SGK1: variants seen among roughly 807,000 people sequenced by gnomAD.
SGK1 encodes serine/threonine-protein kinase Sgk1.
Under a neutral mutation model 64.2 loss-of-function variants are expected in SGK1, and 26 were observed. The observed-to-expected ratio is 0.40, with a 90% CI of 0.30 to 0.56. SGK1 has a LOEUF of 0.56. Ranked by LOEUF, SGK1 falls within the 20% of genes least tolerant of loss-of-function variation. The pLI is 0.38. For synonymous variants in SGK1, 265 were observed against 239.7 expected, an observed-to-expected ratio of 1.11 and a Z score of -0.98; for missense variants, 519 against 645.6, an observed-to-expected ratio of 0.80 and a Z score of 2.12.
At chr6:134,223,654 A>T (rs1368335163) in intron 2 of SGK1, among the ~76,000 whole-genome samples, 1 of 152,210 alleles carries the variant, frequency 6.6e-6, no homozygotes, top group Non-Finnish European at 1.5e-5. Flanking sequence ...GGCCAATGGG[A>T]TTATAATTTG....
chr6:134,172,559 C>T (rs749088931), intron 9 of SGK1, 103 bp downstream of exon 9: 4 of 890,190 alleles, frequency 4.5e-6, no homozygotes, highest in Non-Finnish European at 7.0e-6. Context: ...TTTTAGGCAA[C>T]CAAGTTGCAA....
At chr6:134,310,369 A>G (rs1363127376) in intron 1 of SGK1, among the ~76,000 whole-genome samples, 1 of 152,200 alleles carries the variant, frequency 6.6e-6, no homozygotes, top group Non-Finnish European at 1.5e-5. Flanking sequence ...CACATTCTGC[A>G]GTACTGAGAC....
At chr6:134,174,652 A>G (rs775619639) in intron 3 of SGK1, 66 bp from the exon 4 acceptor site, 1 of 1,606,554 alleles carries the variant, frequency 6.2e-7, no homozygotes, top group South Asian at 1.1e-5. Context: ...CGCCACACAC[A>G]CTAATCTGAT....
chr6:134,177,491 G>A (rs1383526482), intron 3 of SGK1, among the ~76,000 whole-genome samples: 4 of 152,144 alleles, frequency 2.6e-5, no homozygotes, highest in African/African-American at 9.7e-5. Flanking sequence ...TGCTCAGGCT[G>A]CCCAGAAACA....
Position 134,173,301 on chromosome 6 carries a change from C to T in SGK1, c.675G>A (p.Gln225=), listed in dbSNP as rs376815568. 2.7e-5 allele frequency: 44 copies of T among 1,613,762 alleles called. No individual in the cohort carries two copies. Among genetic ancestry groups the T allele is most frequent in the Non-Finnish European group, 3.5e-5 (41 of 1,179,760 alleles). The change falls in exon 7 of 14, where the codon CAG becomes CAA. Residue 225 remains glutamine, a synonymous_variant. Coordinates refer to ENST00000367858, the MANE Select transcript of SGK1 (RefSeq NM_001143676.3). ...EEVFYAVKVL[Q]KKAILKKKEE... ...CTTTCTTTTTCAGGATTGCTTTCTTCTGTAAAACTTTGACTGCATAGAACA... is the reference window on the plus strand; with the variant it reads ...CTTTCTTTTTCAGGATTGCTTTCTTTTGTAAAACTTTGACTGCATAGAACA...
At chr6:134,206,362 TATATATATATATATATA>T (rs1173704018) in intron 3 of SGK1, among the ~76,000 whole-genome samples, 13 of 6,972 alleles carry the variant, frequency 1.9e-3, no homozygotes, top group Non-Finnish European at 2.8e-3. Flanking sequence ...TATATATATA[TATATATATATATATATA>T]TATATTTTTT....
At chr6:134,314,436 C>T (rs372248192) in intron 1 of SGK1, among the ~76,000 whole-genome samples, 23 of 152,168 alleles carry the variant, frequency 1.5e-4, no homozygotes, top group African/African-American at 4.8e-4. Flanking sequence ...GTCTGGATTA[C>T]GTATACAAGC....
At chr6:134,207,023 A>C (rs1562250820) in intron 3 of SGK1, among the ~76,000 whole-genome samples, 1 of 152,110 alleles carries the variant, frequency 6.6e-6, no homozygotes, top group Non-Finnish European at 1.5e-5. Context: ...CAGGAGATCG[A>C]GACCATCCTG....
chr6:134,176,928 T>TA (rs1775248535), intron 3 of SGK1, among the ~76,000 whole-genome samples: 1 of 152,110 alleles, frequency 6.6e-6, no homozygotes, highest in South Asian at 2.1e-4. Flanking sequence ...AAAAAGCATT[T>TA]ACTGGGGCCG....
At position 134,174,992 on chromosome 6, in the gene SGK1, G is replaced by A. The variant is rs1443452153; in HGVS notation, c.362-406C>T. On this transcript the variant is annotated intron_variant, in intron 3 of 13. Coordinates refer to ENST00000367858, the MANE Select transcript of SGK1 (RefSeq NM_001143676.3). ...CGCCCCGGCCGCCTCGCGGTTTGCT[G>A]GCGGCTACGCTGCCTGCGGCGGGCG... 6 of 1,228,630 alleles carry A rather than the reference G, an allele frequency of 4.9e-6. 1 individual carries two copies. In the South Asian group the frequency reaches 6.4e-5, roughly 13 times the overall value. The allele number at this position is 1,228,630 out of a possible 1,614,324, so 76.1% of individuals were successfully genotyped here.
chr6:134,234,330 G>T (rs980060578), intron 2 of SGK1, among the ~76,000 whole-genome samples: 1 of 152,154 alleles, frequency 6.6e-6, no homozygotes, highest in African/African-American at 2.4e-5. Context: ...TTGAACCCCA[G>T]AGACAGAGGC....
chr6:134,208,738 A>ATG (rs199805097), intron 2 of SGK1, among the ~76,000 whole-genome samples: 17,230 of 143,806 alleles, frequency 0.12, 1,168 homozygotes, highest in African/African-American at 0.2. Context: ...GTAGTATTCC[A>ATG]TGTATGCGTA....
intron 3 of SGK1, among the ~76,000 whole-genome samples, chr6:134,185,977 T>G (rs1775416823): frequency 6.6e-6 from 1 of 152,042 alleles, no homozygotes; most frequent in South Asian, 2.1e-4. Context: ...TGTCCCCGCA[T>G]TAGTGGGGGC....
At chr6:134,197,003 C>CGG (rs1775603828) in intron 3 of SGK1, among the ~76,000 whole-genome samples, 1 of 152,050 alleles carries the variant, frequency 6.6e-6, no homozygotes, top group Non-Finnish European at 1.5e-5. Context: ...GAGGCTGAGG[C>CGG]GGACAGATCA....
intron 2 of SGK1, among the ~76,000 whole-genome samples, chr6:134,211,798 C>T (rs1274289643): frequency 2.0e-5 from 3 of 149,098 alleles, no homozygotes; most frequent in African/African-American, 4.9e-5. Context: ...CACTTGAACC[C>T]GGGAGACTGA....
intron 2 of SGK1, among the ~76,000 whole-genome samples, chr6:134,224,270 C>T (rs1002284813): frequency 2.0e-5 from 3 of 152,162 alleles, no homozygotes; most frequent in Non-Finnish European, 4.4e-5. Flanking sequence ...TCCAACATCT[C>T]TTTGGTATTC....
chr6:134,206,460 A>C (rs1424947372), intron 3 of SGK1, among the ~76,000 whole-genome samples: 1 of 144,716 alleles, frequency 6.9e-6, no homozygotes, highest in African/African-American at 2.6e-5. Context: ...AAGGAGGCAT[A>C]TCTCACACAG....
chr6:134,304,481 G>A (rs186629299), intron 1 of SGK1, among the ~76,000 whole-genome samples: 2 of 152,216 alleles, frequency 1.3e-5, no homozygotes, highest in East Asian at 1.9e-4. Context: ...GTGAAACCAC[G>A]TCTCTACTAA....
intron 1 of SGK1, among the ~76,000 whole-genome samples, chr6:134,275,658 G>A (rs1238072805): frequency 6.6e-6 from 1 of 152,114 alleles, no homozygotes; most frequent in African/African-American, 2.4e-5. Context: ...ATTGAAAAAC[G>A]CTCATCTAAA....
Sources: gnomAD v4.1 joint callset for allele counts (sites outside exome capture counted in the v4.1 genomes callset) on GRCh38, gnomAD v4.1.1 for gene constraint, MANE v1.5 for transcripts, NCBI Gene and HGNC (gene_info 2026-07-23, HGNC 2026-07-21) for gene names.